The following RABGAP1L variants were observed in gnomAD, a reference collection of about 807,000 sequenced individuals.
RABGAP1L encodes the protein rab GTPase-activating protein 1-like.
RABGAP1L carries 63 observed loss-of-function variants against 137.7 expected under a neutral mutation model. The ratio of observed to expected loss-of-function variants is 0.46; its 90% CI spans 0.37 to 0.56. The LOEUF (loss-of-function observed/expected upper bound fraction) is 0.56, where lower values mean the gene tolerates loss of function less well. Among genes scored for constraint, RABGAP1L ranks in the 20% least tolerant of loss-of-function variants. The pLI is 0.00. For missense variants in RABGAP1L, 1,095 were observed against 1,244.0 expected (o/e 0.88, Z 1.80); for synonymous variants, 431 against 433.7 (o/e 0.99, Z 0.08).
At chr1:174,722,727 A>C (rs1681671659) in intron 17 of RABGAP1L, among the ~76,000 whole-genome samples, 1 of 152,158 alleles carries the variant, frequency 6.6e-6, no homozygotes. Flanking sequence ...CTGGGATTAC[A>C]GGTGTGAGCC....
At chr1:174,257,231 C>G (rs1673212973) in intron 7 of RABGAP1L, among the ~76,000 whole-genome samples, 1 of 152,076 alleles carries the variant, frequency 6.6e-6, no homozygotes, top group South Asian at 2.1e-4. Context: ...GCAACACAGA[C>G]AAAGAAGTAC....
At chr1:174,268,047 C>G (rs1368501913) in intron 7 of RABGAP1L, among the ~76,000 whole-genome samples, 1 of 152,148 alleles carries the variant, frequency 6.6e-6, no homozygotes, top group East Asian at 1.9e-4. Context: ...TATCTTTTTG[C>G]TTTAGCCCCT....
At chr1:174,519,655 A>C (rs1663192874) in intron 13 of RABGAP1L, among the ~76,000 whole-genome samples, 1 of 152,212 alleles carries the variant, frequency 6.6e-6, no homozygotes, top group Admixed American at 6.5e-5. Context: ...GAACAGGAAA[A>C]TATCCATGAT....
chr1:174,572,486 A>G (rs1414084365), intron 13 of RABGAP1L, among the ~76,000 whole-genome samples: 1 of 152,076 alleles, frequency 6.6e-6, no homozygotes, highest in Non-Finnish European at 1.5e-5. Flanking sequence ...TTAGGGTTCA[A>G]GCAATTCTAT....
intron 14 of RABGAP1L, among the ~76,000 whole-genome samples, chr1:174,678,218 C>G (rs905619971): frequency 2.6e-5 from 4 of 152,160 alleles, no homozygotes; most frequent in African/African-American, 9.7e-5. Context: ...ACGGATAGCT[C>G]TATTTCCACT....
intron 10 of RABGAP1L, among the ~76,000 whole-genome samples, chr1:174,293,767 C>T (rs1391235098): frequency 2.6e-5 from 4 of 152,020 alleles, no homozygotes; most frequent in Non-Finnish European, 5.9e-5. Context: ...TTATTAAACA[C>T]TTATTGAGTG....
At chr1:174,983,951 C>T (rs1671354055) in intron 24 of RABGAP1L, among the ~76,000 whole-genome samples, 1 of 151,266 alleles carries the variant, frequency 6.6e-6, no homozygotes, top group East Asian at 1.9e-4. Flanking sequence ...TAGCACTTAC[C>T]ACTCTTTGTA....
chr1:174,516,601 C>G (rs564370326), intron 13 of RABGAP1L, among the ~76,000 whole-genome samples: 63 of 152,058 alleles, frequency 4.1e-4, no homozygotes, highest in Non-Finnish European at 7.2e-4. Context: ...TAGAGTTTAT[C>G]AAGACTCAAT....
intron 1 of RABGAP1L, among the ~76,000 whole-genome samples, chr1:174,178,907 G>A (rs1375968535): frequency 6.6e-6 from 1 of 152,112 alleles, no homozygotes; most frequent in Non-Finnish European, 1.5e-5. Context: ...CTAGGTGACG[G>A]GTTGATAGGT....
At chr1:174,163,732 C>G (rs1664691731) in intron 1 of RABGAP1L, among the ~76,000 whole-genome samples, 1 of 151,596 alleles carries the variant, frequency 6.6e-6, no homozygotes, top group Non-Finnish European at 1.5e-5. Context: ...AATTCTCACC[C>G]AGTTTAGTAA....
intron 13 of RABGAP1L, among the ~76,000 whole-genome samples, chr1:174,562,245 T>TG (rs1667273234): frequency 6.6e-6 from 1 of 151,864 alleles, no homozygotes; most frequent in Non-Finnish European, 1.5e-5. Flanking sequence ...AACAAACATA[T>TG]GAAAAAAATG....
chr1:174,313,831 C>T (rs1009221492), intron 11 of RABGAP1L, among the ~76,000 whole-genome samples: 2 of 152,084 alleles, frequency 1.3e-5, no homozygotes, highest in African/African-American at 4.8e-5. Flanking sequence ...TTTGAACCAT[C>T]CCTGCATCCC....
At chr1:174,621,829 C>T (rs1255856551) in intron 13 of RABGAP1L, among the ~76,000 whole-genome samples, 2 of 152,172 alleles carry the variant, frequency 1.3e-5, no homozygotes, top group South Asian at 2.1e-4. Flanking sequence ...AAAGTAATGG[C>T]AACAAAAGCC....
At chr1:174,783,890 A>G (rs1397222026) in intron 18 of RABGAP1L, among the ~76,000 whole-genome samples, 3 of 148,502 alleles carry the variant, frequency 2.0e-5, no homozygotes, top group Non-Finnish European at 4.5e-5. Flanking sequence ...TTTTATCTTT[A>G]CTAGAGAAGG....
At chr1:174,786,560 C>T (rs1687458510) in intron 18 of RABGAP1L, among the ~76,000 whole-genome samples, 1 of 152,114 alleles carries the variant, frequency 6.6e-6, no homozygotes, top group Non-Finnish European at 1.5e-5. Context: ...ATCATGAGAA[C>T]CCCCACATTC....
intron 19 of RABGAP1L, among the ~76,000 whole-genome samples, chr1:174,914,636 G>T (rs1349928671): frequency 1.3e-5 from 2 of 152,106 alleles, no homozygotes; most frequent in African/African-American, 4.8e-5. Flanking sequence ...TCTGCAGAAA[G>T]ATTCTGGCTA....
chr1:174,626,333 T>C (rs1214450311), intron 13 of RABGAP1L, among the ~76,000 whole-genome samples: 2 of 152,208 alleles, frequency 1.3e-5, no homozygotes, highest in East Asian at 1.9e-4. Flanking sequence ...CTTTAAAGAA[T>C]GCTTTGTTCT....
At chr1:174,493,178 C>T (rs911055745) in intron 13 of RABGAP1L, among the ~76,000 whole-genome samples, 1 of 146,394 alleles carries the variant, frequency 6.8e-6, no homozygotes, top group African/African-American at 2.6e-5. Context: ...AGGTAACATA[C>T]TAGATCCTGT....
chr1:174,736,859 C>T (rs1682990851), intron 17 of RABGAP1L, among the ~76,000 whole-genome samples: 1 of 152,186 alleles, frequency 6.6e-6, no homozygotes, highest in South Asian at 2.1e-4. Context: ...ATGACTGGAG[C>T]CAGAACAGCT....
Sources: gnomAD v4.1 joint callset for allele counts (sites outside exome capture counted in the v4.1 genomes callset) on GRCh38, gnomAD v4.1.1 for gene constraint, MANE v1.5 for transcripts, NCBI Gene and HGNC (gene_info 2026-07-23, HGNC 2026-07-21) for gene names.